The following BCAN variants were observed in gnomAD, a reference collection of about 807,000 sequenced individuals.
BCAN encodes the protein brevican.
Under a neutral mutation model 92.4 loss-of-function variants are expected in BCAN, and 51 were observed. The observed-to-expected ratio is 0.55, with a 90% CI of 0.44 to 0.70. BCAN has a LOEUF of 0.70. Ranked by LOEUF, BCAN falls within the 30% of genes least tolerant of loss-of-function variation. The probability of loss-of-function intolerance (pLI) is 0.00; values close to 1 mark genes in which losing one functional copy is unlikely to be tolerated. For missense variants in BCAN, 1,140 were observed against 1,212.1 expected, an observed-to-expected ratio of 0.94 and a Z score of 0.88; for synonymous variants, 501 against 505.2, an observed-to-expected ratio of 0.99 and a Z score of 0.11.
chr1:156,653,931 GGC>G (rs1325776854), intron 8 of BCAN, among the ~76,000 whole-genome samples: 2 of 152,072 alleles, frequency 1.3e-5, no homozygotes, highest in Non-Finnish European at 2.9e-5. Flanking sequence ...TCAGCATAGA[GGC>G]AGTTCCCTGG....
chr1:156,653,990 G>T (rs1002159081), intron 8 of BCAN, among the ~76,000 whole-genome samples: 2 of 152,062 alleles, frequency 1.3e-5, no homozygotes, highest in Non-Finnish European at 2.9e-5. Flanking sequence ...ATCTCAGCAG[G>T]GGGTGGTATC....
chr1:156,657,714 GGACCATCGAAGGC>G lies in BCAN; in HGVS notation c.2253_2265del (p.Ile752SerfsTer100), dbSNP rs761514114. The G allele has an allele frequency of 1.4e-5, 22 of 1,612,486 alleles. No individual in the cohort carries two copies. Among genetic ancestry groups the G allele is most frequent in the Non-Finnish European group, 1.9e-5 (22 of 1,179,444 alleles). Reference sequence around the variant, plus strand: ...TACCAGTGGATCGGACTCAACGACAGGACCATCGAAGGCGACTTCTTGTGGTCGGATGGCGTCC... The same window carrying G: ...TACCAGTGGATCGGACTCAACGACAGGACTTCTTGTGGTCGGATGGCGTCC... On this transcript the variant is annotated frameshift_variant, in exon 11 of 14. Coordinates refer to ENST00000329117, the MANE Select transcript of BCAN (RefSeq NM_021948.5). LOFTEE classifies it high-confidence loss of function.
intron 8 of BCAN, among the ~76,000 whole-genome samples, chr1:156,655,722 A>G (rs1679301851): frequency 6.6e-6 from 1 of 152,146 alleles, no homozygotes; most frequent in Non-Finnish European, 1.5e-5. Flanking sequence ...GACCACACCA[A>G]TATCAGGTCT....
chr1:156,647,677 C>T lies in BCAN; in HGVS notation c.636C>T (p.Thr212=), dbSNP rs773515145. The T allele has an allele frequency of 2.5e-5, 40 of 1,587,798 alleles. No individual in the cohort carries two copies. The highest frequency in any genetic ancestry group is 2.4e-4 in the South Asian group (21 of 87,380). The stretch of plus-strand genomic sequence containing the variant: ...ATGCTGGCTGGCTGTCGGATCAGAC[C>T]GTGAGGTGGGCAGGGGCTGTGGATT... ...QCDAGWLSDQ[T]VRYPIQTPRE... Residue 212 remains threonine (T), a synonymous_variant, in exon 4 of 14, where the codon ACC becomes ACT. Coordinates refer to ENST00000329117, the MANE Select transcript of BCAN (RefSeq NM_021948.5). This position sits in a 1 kb window ranked among gnomAD's most constrained non-coding sequence, Gnocchi z 4.8.
At chr1:156,650,534 G>T (rs1009074362) in intron 6 of BCAN, among the ~76,000 whole-genome samples, 1 of 152,188 alleles carries the variant, frequency 6.6e-6, no homozygotes, top group African/African-American at 2.4e-5. Flanking sequence ...GTCCCAGAAG[G>T]AGGTGGCCTT....
At chr1:156,646,408 G>A (rs1239623167) in intron 2 of BCAN, 1 of 509,738 alleles carries the variant, frequency 2.0e-6, no homozygotes, top group East Asian at 3.0e-5. Flanking sequence ...GGTGGGAAAG[G>A]GGTGGAACTG....
At chr1:156,644,945 G>A (rs1199689796) in intron 1 of BCAN, 1 of 152,240 alleles carries the variant, frequency 6.6e-6, no homozygotes, top group Non-Finnish European at 1.5e-5. Context: ...AGATGATGTA[G>A]CTCTGAGTCT....
At position 156,642,575 on chromosome 1, in the gene BCAN, A is replaced by G; in HGVS notation, c.-9+300A>G. The stretch of plus-strand genomic sequence containing the variant: ...CTTCCCTGCTGCGCGCTCCTGTCCC[A>G]GCGCGGCCGCCGAGATTTCCGACCT... On this transcript the variant is annotated intron_variant, in intron 1 of 13. Coordinates refer to ENST00000329117, the MANE Select transcript of BCAN (RefSeq NM_021948.5). This position sits in a 1 kb window ranked among gnomAD's most constrained non-coding sequence, Gnocchi z 4.2. 1 of 152,450 alleles carries G rather than the reference A, an allele frequency of 6.6e-6. No individual in the cohort carries two copies. Among genetic ancestry groups the G allele is most frequent in the Non-Finnish European group, 1.5e-5 (1 of 68,158 alleles). The allele number at this position is 152,450 out of a possible 1,614,324, so 9.4% of individuals were successfully genotyped here.
intron 5 of BCAN, 46 bp from the exon 6 acceptor site, chr1:156,648,522 G>A (rs751165883): frequency 6.5e-7 from 1 of 1,531,018 alleles, no homozygotes. Flanking sequence ...CAGAGTGGAA[G>A]GAGCTACCAG....
chr1:156,658,908 T>C lies in BCAN; in HGVS notation c.2629-119T>C. On this transcript the variant is annotated intron_variant, in intron 13 of 13. Transcript: ENST00000329117. This position sits in a 1 kb window ranked among gnomAD's most constrained non-coding sequence, Gnocchi z 4.4. ...CTCTGGGGTTCCTTCAGTGCTGATG[T>C]CTGATAACATGCAGCCCCATTCTGG... is the stretch of plus-strand genomic sequence containing the variant. 7.6e-7 allele frequency: 1 copy of C among 1,308,656 alleles called. No homozygotes were observed. Among genetic ancestry groups the C allele is most frequent in the Non-Finnish European group, 1.1e-6 (1 of 941,346 alleles). 81.1% of individuals were successfully genotyped at this position (1,308,656 alleles called of 1,614,324 possible).
intron 9 of BCAN, 44 bp from the exon 10 acceptor site, chr1:156,656,894 T>G (rs1407851647): frequency 6.3e-7 from 1 of 1,598,796 alleles, no homozygotes; most frequent in Non-Finnish European, 8.5e-7. Context: ...GACCTGGCCC[T>G]CTGGGTTTTG....
At chr1:156,649,557 C>G (rs1055948836) in intron 6 of BCAN, among the ~76,000 whole-genome samples, 2 of 152,182 alleles carry the variant, frequency 1.3e-5, no homozygotes, top group African/African-American at 4.8e-5. Context: ...GCTTATGCCA[C>G]CATGTCTAGC....
intron 8 of BCAN, 49 bp from the exon 9 acceptor site, chr1:156,656,233 A>G: frequency 7.5e-7 from 1 of 1,335,806 alleles, no homozygotes; most frequent in Non-Finnish European, 9.9e-7. Flanking sequence ...CTCAGGCTGC[A>G]GAGTGCGGCT....
Position 156,658,863 on chromosome 1 carries a change from G to A in BCAN, c.2628+130G>A, listed in dbSNP as rs775298525. The A allele has an allele frequency of 6.4e-6, 9 of 1,404,836 alleles. No homozygotes were observed. Among genetic ancestry groups the A allele is most frequent in the Non-Finnish European group, 8.8e-6 (9 of 1,022,650 alleles). 87.0% of individuals were successfully genotyped at this position (1,404,836 alleles called of 1,614,324 possible). Reference sequence around the variant, plus strand: ...ATCACTGCCCCTCTCTGAGGCAAAGGGGAAGAGGTGGGCTGGAGGCTCTGG... The same window carrying A: ...ATCACTGCCCCTCTCTGAGGCAAAGAGGAAGAGGTGGGCTGGAGGCTCTGG... On this transcript the variant is annotated intron_variant, in intron 13 of 13. Coordinates refer to ENST00000329117, the MANE Select transcript of BCAN (RefSeq NM_021948.5). The surrounding 1 kb of genome is among the most constrained non-coding windows in gnomAD (Gnocchi z 4.4).
rs910311613 is a variant in BCAN, at chr1:156,647,312, A to G, written c.466+137A>G. 4 of 1,210,994 alleles carry G rather than the reference A, an allele frequency of 3.3e-6. No individual in the cohort carries two copies. 75.0% of individuals were successfully genotyped at this position (1,210,994 alleles called of 1,614,324 possible). On this transcript the variant is annotated intron_variant, in intron 3 of 13. Transcript: ENST00000329117. The surrounding 1 kb of genome is among the most constrained non-coding windows in gnomAD (Gnocchi z 4.8). ...CCTGGGTTGGAAAAAGAGTGAGGAG[A>G]CACGGGCCTTTGTTGTCTCCTTTCT...
chr1:156,658,830 T>G lies in BCAN; in HGVS notation c.2628+97T>G. On this transcript the variant is annotated intron_variant, in intron 13 of 13. Transcript: ENST00000329117. The surrounding 1 kb of genome is among the most constrained non-coding windows in gnomAD (Gnocchi z 4.4). ...CCTGCCTGTCACTGGCCATGTGACC[T>G]TGGAGCCATCACTGCCCCTCTCTGA... 2 of 1,537,276 alleles carry G rather than the reference T, an allele frequency of 1.3e-6. No individual in the cohort carries two copies. The highest frequency in any genetic ancestry group is 1.8e-6 in the Non-Finnish European group (2 of 1,124,886).
Position 156,652,551 on chromosome 1 carries a change from G to C in BCAN, c.1601G>C (p.Arg534Thr), listed in dbSNP as rs773402783. ...DGESEASRPP[R>T]VHGPPTETLP... ...GAGTCAGAAGCTTCCAGGCCTCCAA[G>C]GGTCCATGGACCACCTACTGAGACT... is the stretch of plus-strand genomic sequence containing the variant. The change falls in exon 8 of 14, where the codon AGG (arginine) becomes ACG (threonine). Residue 534 changes from arginine (R) to threonine (T), a missense_variant. Around this residue, in one of 3 missense-constraint regions of BCAN, gnomAD observed 825 missense variants for 871.8 expected, o/e 0.95. Transcript: ENST00000329117. The C allele has an allele frequency of 2.5e-6, 4 of 1,613,866 alleles. No homozygotes were observed. The South Asian group carries it at 3.3e-5, about 13-fold the overall frequency.
rs1360657707 is a variant in BCAN, at chr1:156,651,589, T to A, written c.1197T>A (p.Ser399Arg). 1 of 1,612,954 alleles carries A rather than the reference T, an allele frequency of 6.2e-7. No individual in the cohort carries two copies. Among genetic ancestry groups the A allele is most frequent in the Non-Finnish European group, 8.5e-7 (1 of 1,179,784 alleles). Reference protein sequence around the residue: ...ELQLPQEATESESRGAIYSIP... With the variant: ...ELQLPQEATERESRGAIYSIP... Reference sequence around the variant, plus strand: ...AGCTGCCTCAGGAAGCCACAGAGAGTGAATCCCGTGGGGCCATCTACTCCA... The same window carrying A: ...AGCTGCCTCAGGAAGCCACAGAGAGAGAATCCCGTGGGGCCATCTACTCCA... Residue 399 changes from serine (S) to arginine (R), a missense_variant, in exon 7 of 14, where the codon AGT (serine) becomes AGA (arginine). Physicochemically the swap from Ser to Arg is moderately radical, Grantham distance 110. Coordinates refer to ENST00000329117, the MANE Select transcript of BCAN (RefSeq NM_021948.5).
At position 156,648,198 on chromosome 1, in the gene BCAN, A is replaced by C. The variant is rs1030557348; in HGVS notation, c.769+88A>C. 4 of 1,525,390 alleles carry C rather than the reference A, an allele frequency of 2.6e-6. No homozygotes were observed. The East Asian group carries it at 9.1e-5, about 35-fold the overall frequency. The allele number at this position is 1,525,390 out of a possible 1,614,324, so 94.5% of individuals were successfully genotyped here. Reference sequence around the variant, plus strand: ...CCCGGGGCCTCTGCAGGACCTTACTATCCCTCCTGAGTTTAAGGGGGCAAG... The same window carrying C: ...CCCGGGGCCTCTGCAGGACCTTACTCTCCCTCCTGAGTTTAAGGGGGCAAG... On this transcript the variant is annotated intron_variant, in intron 5 of 13. Coordinates refer to ENST00000329117, the MANE Select transcript of BCAN (RefSeq NM_021948.5).
Sources: gnomAD v4.1 joint callset for allele counts (sites outside exome capture counted in the v4.1 genomes callset) on GRCh38, gnomAD v4.1.1 for gene constraint, gnomAD v4.1.1 regional missense constraint, Gnocchi (gnomAD v3.1) non-coding constraint, MANE v1.5 for transcripts, NCBI Gene and HGNC (gene_info 2026-07-23, HGNC 2026-07-21) for gene names.